The following SHISAL1 variants were observed in gnomAD, a reference collection of about 807,000 sequenced individuals.
SHISAL1 encodes the protein shisa like 1, also known as protein shisa-like-1.
A neutral mutation model predicts 22.6 loss-of-function variants in SHISAL1; 9 were observed. The observed-to-expected ratio is 0.40, with a 90% CI of 0.24 to 0.70. SHISAL1 has a LOEUF of 0.70. SHISAL1 is among the 30% of genes least tolerant of loss of function. The pLI is 0.39. For synonymous variants in SHISAL1, 119 were observed against 115.4 expected (o/e 1.03, Z -0.20); for missense variants, 246 against 270.6 (o/e 0.91, Z 0.64).
In SHISAL1 at chr22:44,285,497, T is replaced by C. The variant is rs2055307079; in HGVS notation, c.530A>G (p.Gln177Arg). The C allele has an allele frequency of 1.2e-6, 2 of 1,613,828 alleles. No individual in the cohort carries two copies. The highest frequency in any genetic ancestry group is 1.1e-5 in the South Asian group (1 of 91,084). ...ATCTCCCCGCAATGTGTGCACGGCC[T>C]GTGGGGCTTGTGGCAGCGGGCCTGG... ...PPPGPLPQAP[Q>R]AVHTLRGDAH... The change falls in exon 4 of 5, where the codon CAG becomes CGG. Residue 177 changes from glutamine to arginine, a missense_variant. Coordinates refer to ENST00000381176, the MANE Select transcript of SHISAL1 (RefSeq NM_001099294.2).
intron 3 of SHISAL1, among the ~76,000 whole-genome samples, chr22:44,292,929 T>C (rs1447075909): frequency 2.0e-5 from 3 of 152,210 alleles, no homozygotes; most frequent in East Asian, 3.9e-4. Flanking sequence ...TGGGGTCTTA[T>C]CCCATGCATG....
intron 3 of SHISAL1, among the ~76,000 whole-genome samples, chr22:44,293,745 G>A (rs976066280): frequency 3.3e-5 from 5 of 152,214 alleles, no homozygotes; most frequent in Non-Finnish European, 1.5e-5. Flanking sequence ...GGTAGCTGCA[G>A]CGGCATGATG....
chr22:44,322,968 CCAA>C, the SHISAL1 span, among the ~76,000 whole-genome samples: 86 of 149,650 alleles, frequency 5.7e-4, no homozygotes, highest in African/African-American at 2.1e-3. Flanking sequence ...CATCCACCCA[CCAA>C]CCTCACCCAC....
intron 1 of SHISAL1, among the ~76,000 whole-genome samples, chr22:44,304,466 T>C (rs1601804667): frequency 6.6e-6 from 1 of 152,320 alleles, no homozygotes; most frequent in African/African-American, 2.4e-5. Context: ...ATCAGGATTG[T>C]AAAATGCCAC....
rs572424407 is a variant in SHISAL1 at position 44,284,848 on chromosome 22, C to G, written c.599+580G>C. Among the ~76,000 whole-genome samples the G allele has an allele frequency of 3.4e-5, 5 of 148,268 alleles. No homozygotes were observed. In the South Asian group the frequency reaches 1.1e-3, roughly 32 times the overall value. ...CTCAGATCTGAACATAACCCTGGGGCAGCCACCCCACAAGGCCAACCCTTG... is the reference window on the plus strand; with the variant it reads ...CTCAGATCTGAACATAACCCTGGGGGAGCCACCCCACAAGGCCAACCCTTG... On this transcript the variant is annotated intron_variant, in intron 4 of 4. Coordinates refer to ENST00000381176, the MANE Select transcript of SHISAL1 (RefSeq NM_001099294.2).
intron 4 of SHISAL1, among the ~76,000 whole-genome samples, chr22:44,251,194 A>C (rs979452448): frequency 3.9e-5 from 6 of 152,258 alleles, no homozygotes; most frequent in Non-Finnish European, 7.3e-5. Flanking sequence ...TGTGTGTTTT[A>C]CACATCGCTG....
chr22:44,324,776 G>T, the SHISAL1 span, among the ~76,000 whole-genome samples: 1 of 152,152 alleles, frequency 6.6e-6, no homozygotes, highest in African/African-American at 2.4e-5. Context: ...TCAGCACCCG[G>T]AGCCTCCCTC....
chr22:44,322,819 G>A, the SHISAL1 span, among the ~76,000 whole-genome samples: 3 of 152,172 alleles, frequency 2.0e-5, no homozygotes, highest in Admixed American at 6.5e-5. Flanking sequence ...CCACCTTGTC[G>A]CTCTCGTCCT....
chr22:44,303,335 C>G (rs1427788869), intron 1 of SHISAL1, among the ~76,000 whole-genome samples: 1 of 152,060 alleles, frequency 6.6e-6, no homozygotes, highest in Non-Finnish European at 1.5e-5. Flanking sequence ...GAAATAGGGT[C>G]ATCACGGAGG....
In SHISAL1 at chr22:44,303,191, G is replaced by A. The variant is rs532440700; in HGVS notation, c.-32-2214C>T. ...TTTGCTGAGCATCTACTATGTGCCC[G>A]GCTCTGGGCCAGAAGAGGTACTGTA... On this transcript the variant is annotated intron_variant, in intron 1 of 4. Coordinates refer to ENST00000381176, the MANE Select transcript of SHISAL1 (RefSeq NM_001099294.2). 4.5e-4 allele frequency among the ~76,000 whole-genome samples: 69 copies of A among 152,164 alleles called. 1 individual carries two copies. The highest frequency in any genetic ancestry group is 1.2e-3 in the South Asian group (6 of 4,824).
rs1271319733 is a variant in SHISAL1 at position 44,261,152 on chromosome 22, T to A, written c.*-11467A>T. On this transcript the variant is annotated intron_variant, in intron 4 of 4. Coordinates refer to ENST00000381176, the MANE Select transcript of SHISAL1 (RefSeq NM_001099294.2). ...GAAATATTTCAAAATCAATGACTTT[T>A]AAAAAAAAAAAATTCTACTTATAGC... Among the ~76,000 whole-genome samples the A allele has an allele frequency of 2.0e-4, 28 of 140,500 alleles. 1 individual carries two copies. In the East Asian group the frequency reaches 2.1e-3, roughly 11 times the overall value. The allele number at this position is 140,500 out of a possible 152,430, so 92.2% of individuals were successfully genotyped here. A position where few individuals can be genotyped will look rare whatever the true frequency, so the allele number is the denominator to read the frequency against.
the SHISAL1 span, among the ~76,000 whole-genome samples, chr22:44,320,203 G>A: frequency 6.6e-6 from 1 of 152,198 alleles, no homozygotes; most frequent in Non-Finnish European, 1.5e-5. Flanking sequence ...CTGGCAGTGT[G>A]GGAGAGAGGG....
chr22:44,329,048 G>T, the SHISAL1 span, among the ~76,000 whole-genome samples: 1 of 152,192 alleles, frequency 6.6e-6, no homozygotes, highest in Non-Finnish European at 1.5e-5. Flanking sequence ...CAAAGGACAG[G>T]TGCCTACCGC....
At chr22:44,288,074 G>T (rs1306049432) in intron 3 of SHISAL1, among the ~76,000 whole-genome samples, 1 of 152,168 alleles carries the variant, frequency 6.6e-6, no homozygotes, top group Non-Finnish European at 1.5e-5. Flanking sequence ...ACCAGAAGTG[G>T]CAGTGGACGC....
At position 44,247,693 on chromosome 22, in the gene SHISAL1, C is replaced by T. The variant is rs1208692356; in HGVS notation, c.*1992G>A. Reference sequence around the variant, plus strand: ...CATAAAATGGGGAGAGCCCCTTCTTCATGGGGCTGTTGAGAGGATGGACAG... The same window carrying T: ...CATAAAATGGGGAGAGCCCCTTCTTTATGGGGCTGTTGAGAGGATGGACAG... On this transcript the variant is annotated 3_prime_UTR_variant, in exon 5 of 5. Coordinates refer to ENST00000381176, the MANE Select transcript of SHISAL1 (RefSeq NM_001099294.2). The T allele has an allele frequency of 6.6e-6, 1 of 152,294 alleles. No individual in the cohort carries two copies. The highest frequency in any genetic ancestry group is 1.5e-5 in the Non-Finnish European group (1 of 68,102). The allele number at this position is 152,294 out of a possible 1,614,324, so 9.4% of individuals were successfully genotyped here.
In SHISAL1 at chr22:44,279,147, C is replaced by T. The variant is rs562718354; in HGVS notation, c.599+6281G>A. ...GTGACACTGATGAATGGACAGCCTC[C>T]GGGGTTTTAGCCAAGCTGTCCAAAC... On this transcript the variant is annotated intron_variant, in intron 4 of 4. Transcript: ENST00000381176. Among the ~76,000 whole-genome samples, 8 of 152,242 alleles carry T rather than the reference C, an allele frequency of 5.3e-5. No individual in the cohort carries two copies. The South Asian group carries it at 6.2e-4, about 12-fold the overall frequency.
At chr22:44,309,474 A>G (rs1466843702) in intron 1 of SHISAL1, among the ~76,000 whole-genome samples, 1 of 152,108 alleles carries the variant, frequency 6.6e-6, no homozygotes, top group African/African-American at 2.4e-5. Flanking sequence ...CCCAGGGCAG[A>G]GCACGGTGCC....
chr22:44,318,218 C>T, the SHISAL1 span, among the ~76,000 whole-genome samples: 1 of 152,286 alleles, frequency 6.6e-6, no homozygotes, highest in African/African-American at 2.4e-5. Context: ...CAAAAAGGAA[C>T]ATCCCTTATA....
chr22:44,291,855 G>A (rs1410322366), intron 3 of SHISAL1, among the ~76,000 whole-genome samples: 1 of 152,058 alleles, frequency 6.6e-6, no homozygotes, highest in Non-Finnish European at 1.5e-5. Context: ...GATCGCCCAG[G>A]GACCTGAGTC....
Sources: gnomAD v4.1 joint callset for allele counts (sites outside exome capture counted in the v4.1 genomes callset) on GRCh38, gnomAD v4.1.1 for gene constraint, MANE v1.5 for transcripts, NCBI Gene and HGNC (gene_info 2026-07-23, HGNC 2026-07-21) for gene names.